Variants in FSTL5 observed in about 807,000 individuals in gnomAD.
FSTL5 encodes the protein follistatin-related protein 5.
Under a neutral mutation model 89.1 loss-of-function variants are expected in FSTL5, and 62 were observed. The observed-to-expected ratio is 0.70, with a 90% CI of 0.57 to 0.86. The LOEUF is 0.86. FSTL5 is among the 40% of genes least tolerant of loss of function. FSTL5 has a pLI of 0.00. For missense variants in FSTL5, 1,057 were observed against 1,001.6 expected (o/e 1.06, Z -0.75); for synonymous variants, 383 against 346.2 (o/e 1.11, Z -1.18).
At chr4:161,470,378 A>C (rs1410181896) in intron 13 of FSTL5, among the ~76,000 whole-genome samples, 1 of 144,958 alleles carries the variant, frequency 6.9e-6, no homozygotes, top group Admixed American at 6.8e-5. Context: ...TGGTCTTGGC[A>C]CCCTTATAAA....
chr4:161,706,105 G>C (rs1247155693), intron 6 of FSTL5, among the ~76,000 whole-genome samples: 1 of 148,840 alleles, frequency 6.7e-6, no homozygotes, highest in East Asian at 2.0e-4. Flanking sequence ...AGTTTAATTT[G>C]GATACAAACA....
At chr4:161,551,943 A>C (rs1299045459) in intron 8 of FSTL5, among the ~76,000 whole-genome samples, 2 of 152,174 alleles carry the variant, frequency 1.3e-5, no homozygotes, top group East Asian at 1.9e-4. Context: ...CTTCATGTCT[A>C]AAACACCAAA....
intron 6 of FSTL5, among the ~76,000 whole-genome samples, chr4:161,661,139 A>T (rs1191360870): frequency 6.6e-6 from 1 of 152,196 alleles, no homozygotes; most frequent in Non-Finnish European, 1.5e-5. Flanking sequence ...TATTTGTGAA[A>T]CATTAGTTTA....
chr4:161,754,078 A>G (rs1362442788), intron 6 of FSTL5, among the ~76,000 whole-genome samples: 1 of 139,092 alleles, frequency 7.2e-6, no homozygotes, highest in Admixed American at 7.4e-5. Flanking sequence ...ACTGTTTCAT[A>G]TAGAGTGATG....
intron 6 of FSTL5, among the ~76,000 whole-genome samples, chr4:161,708,329 A>G (rs1738653877): frequency 6.6e-6 from 1 of 152,062 alleles, no homozygotes; most frequent in Non-Finnish European, 1.5e-5. Context: ...ACCTAAAATT[A>G]GAGGCACTTA....
chr4:161,862,124 C>T (rs772738918), intron 4 of FSTL5, among the ~76,000 whole-genome samples: 1 of 152,150 alleles, frequency 6.6e-6, no homozygotes, highest in Non-Finnish European at 1.5e-5. Context: ...GATAAAGTGT[C>T]TTTGATAATC....
At chr4:161,568,122 C>CT (rs1732882762) in intron 8 of FSTL5, among the ~76,000 whole-genome samples, 2 of 151,738 alleles carry the variant, frequency 1.3e-5, no homozygotes, top group Admixed American at 1.3e-4. Flanking sequence ...ATTTTGGAGT[C>CT]CATATTTGCC....
chr4:161,785,079 T>C (rs1009808061), intron 4 of FSTL5, among the ~76,000 whole-genome samples: 2 of 152,078 alleles, frequency 1.3e-5, no homozygotes, highest in African/African-American at 4.8e-5. Flanking sequence ...TCATTTGCCA[T>C]AGCATAACTT....
chr4:162,051,503 A>C (rs1478015339), intron 2 of FSTL5, among the ~76,000 whole-genome samples: 2 of 151,546 alleles, frequency 1.3e-5, no homozygotes, highest in Non-Finnish European at 3.0e-5. Flanking sequence ...TAGACATATA[A>C]AGAATAACCA....
chr4:161,815,885 T>C (rs949583902), intron 4 of FSTL5, among the ~76,000 whole-genome samples: 1 of 152,156 alleles, frequency 6.6e-6, no homozygotes, highest in African/African-American at 2.4e-5. Context: ...ATGTATTAAT[T>C]TGAATAAGGA....
At chr4:161,409,348 T>C (rs560813895) in intron 15 of FSTL5, among the ~76,000 whole-genome samples, 3 of 152,224 alleles carry the variant, frequency 2.0e-5, no homozygotes, top group Admixed American at 2.0e-4. Flanking sequence ...AACTTTTCCC[T>C]GAGAGCAAAT....
At chr4:161,665,515 G>A (rs1039264784) in intron 6 of FSTL5, among the ~76,000 whole-genome samples, 1 of 152,162 alleles carries the variant, frequency 6.6e-6, no homozygotes, top group Non-Finnish European at 1.5e-5. Flanking sequence ...TTACAGGCGT[G>A]AGCCACCGCG....
chr4:161,854,264 G>A (rs1440585), intron 4 of FSTL5, among the ~76,000 whole-genome samples: 126,325 of 152,068 alleles, frequency 0.83, 52,535 homozygotes, highest in Admixed American at 0.85. Flanking sequence ...ACTGAGAACC[G>A]TTGCTCAATA....
rs1730569139 is a variant in FSTL5, at chr4:161,385,128, C to T, written c.*619G>A. ...GTATACAACCTAAGACCAACTTATG[C>T]CTTCAATTGGTAGTTCATTGAGGGT... On this transcript the variant is annotated 3_prime_UTR_variant, in exon 16 of 16. Transcript: ENST00000306100. 1 of 152,594 alleles carries T rather than the reference C, an allele frequency of 6.6e-6. No homozygotes were observed. Among genetic ancestry groups the T allele is most frequent in the Non-Finnish European group, 1.5e-5 (1 of 68,128 alleles). 9.5% of individuals were successfully genotyped at this position (152,594 alleles called of 1,614,324 possible).
chr4:161,483,707 A>G (rs1336982249), intron 12 of FSTL5, among the ~76,000 whole-genome samples: 1 of 152,156 alleles, frequency 6.6e-6, no homozygotes, highest in Non-Finnish European at 1.5e-5. Context: ...AAAATAGTAG[A>G]GGAATGTTTT....
intron 1 of FSTL5, 140 bp downstream of exon 1, chr4:162,163,466 AATAGTAATT>A (rs1217303411): frequency 0.011 from 418 of 38,768 alleles, 4 homozygotes; most frequent in African/African-American, 0.025. Context: ...TAATAATAAT[AATAGTAATT>A]ATTAAAATAT....
At position 161,633,291 on chromosome 4, in the gene FSTL5, T is replaced by TTTATTATTATTA. The variant is rs60503667; in HGVS notation, c.894+23025_894+23036dup. On this transcript the variant is annotated intron_variant, in intron 7 of 15. Coordinates refer to ENST00000306100, the MANE Select transcript of FSTL5 (RefSeq NM_020116.5). ...TTTCTGTGTCTTTAAACTAATTCTT[T>TTTATTATTATTA]TTATTATTATTATTATTATTATTAT... 3.8e-3 allele frequency among the ~76,000 whole-genome samples: 530 copies of TTTATTATTATTA among 140,706 alleles called. 3 individuals carry two copies. Among genetic ancestry groups the TTTATTATTATTA allele is most frequent in the South Asian group, 8.5e-3 (37 of 4,338 alleles). The allele number at this position is 140,706 out of a possible 152,430, so 92.3% of individuals were successfully genotyped here. A position where few individuals can be genotyped will look rare whatever the true frequency, so the allele number is the denominator to read the frequency against.
At chr4:161,709,801 A>C (rs1738713466) in intron 6 of FSTL5, among the ~76,000 whole-genome samples, 1 of 152,198 alleles carries the variant, frequency 6.6e-6, no homozygotes, top group Non-Finnish European at 1.5e-5. Context: ...TAAAAAAATA[A>C]ATTAAATAAA....
At chr4:161,836,590 C>T (rs1731050736) in intron 4 of FSTL5, among the ~76,000 whole-genome samples, 1 of 151,914 alleles carries the variant, frequency 6.6e-6, no homozygotes, top group African/African-American at 2.4e-5. Flanking sequence ...GAGGCTCTTG[C>T]ATGCTCTTTT....
Sources: allele counts gnomAD v4.1 joint callset (sites outside exome capture counted in the v4.1 genomes callset), GRCh38; gene constraint gnomAD v4.1.1; transcripts MANE v1.5; gene names NCBI Gene and HGNC (gene_info 2026-07-23, HGNC 2026-07-21).